RAB9B: variants seen among roughly 807,000 people sequenced by gnomAD.
The protein encoded by RAB9B is ras-related protein Rab-9B.
In RAB9B, 1 loss-of-function variant was observed where a neutral mutation model predicts 8.9. The observed-to-expected ratio is 0.11, with a 90% CI of 0.04 to 0.53. The LOEUF (loss-of-function observed/expected upper bound fraction) is 0.53. RAB9B is among the 20% of genes least tolerant of loss of function. The probability of loss-of-function intolerance (pLI) is 0.93; values close to 1 mark genes in which losing one functional copy is unlikely to be tolerated. For synonymous variants in RAB9B, 63 were observed against 57.0 expected, an observed-to-expected ratio of 1.10 and a Z score of -0.47; for missense variants, 82 against 152.9, an observed-to-expected ratio of 0.54 and a Z score of 2.45.
chrX:103,800,810 G>A, the RAB9B span, among the ~76,000 whole-genome samples: 126 of 111,661 alleles, frequency 1.1e-3, no homozygotes, highest in Admixed American at 3.0e-3. Flanking sequence ...TTTTGATATC[G>A]TTCACTATCT....
At chrX:103,791,687 A>C in the RAB9B span, 1 of 112,658 alleles carries the variant, frequency 8.9e-6, no homozygotes, top group Non-Finnish European at 1.9e-5. Context: ...CAGTTTGTTT[A>C]TTACTTATTT....
chrX:103,803,535 AATT>A, the RAB9B span, among the ~76,000 whole-genome samples: 1 of 112,340 alleles, frequency 8.9e-6, no homozygotes, highest in South Asian at 3.7e-4. Flanking sequence ...CCAATTTTAA[AATT>A]ATTTGTCTAT....
At chrX:103,797,240 C>T in the RAB9B span, among the ~76,000 whole-genome samples, 1 of 105,169 alleles carries the variant, frequency 9.5e-6, no homozygotes, top group Non-Finnish European at 2.0e-5. Context: ...GGCGACTGCA[C>T]CATGCTCAGT....
chrX:103,825,692 T>A lies in RAB9B; in HGVS notation c.93A>T (p.Lys31Asn), dbSNP rs1423771837. Residue 31 changes from lysine to asparagine, a missense_variant, in exon 3 of 3, where the codon AAA (lysine) becomes AAT (asparagine). Lys to Asn is a moderately conservative substitution (Grantham distance 94, BLOSUM62 0). Coordinates refer to ENST00000243298, the MANE Select transcript of RAB9B (RefSeq NM_016370.4). ...SSLMNRYVTN[K>N]FDSQAFHTIG... ...TGGTGTGAAAAGCCTGGGAGTCAAATTTGTTGGTTACGTAACGGTTCATAA... is the reference window on the plus strand; with the variant it reads ...TGGTGTGAAAAGCCTGGGAGTCAAAATTGTTGGTTACGTAACGGTTCATAA... 1 of 1,208,191 alleles carries A rather than the reference T, an allele frequency of 8.3e-7. No individual in the cohort carries two copies. Among genetic ancestry groups the A allele is most frequent in the Non-Finnish European group, 1.1e-6 (1 of 893,919 alleles).
At chrX:103,779,953 G>C in the RAB9B span, 4 of 112,768 alleles carry the variant, frequency 3.5e-5, no homozygotes, top group Non-Finnish European at 7.5e-5. Context: ...GACCAAGTGA[G>C]GACAGTGACA....
the RAB9B span, among the ~76,000 whole-genome samples, chrX:103,805,686 C>A: frequency 4.5e-5 from 5 of 110,663 alleles, no homozygotes; most frequent in African/African-American, 1.3e-4. Context: ...CAGTGTGTGC[C>A]TTTCTAGAAA....
At chrX:103,785,210 C>T in the RAB9B span, among the ~76,000 whole-genome samples, 2 of 110,919 alleles carry the variant, frequency 1.8e-5, no homozygotes, top group Non-Finnish European at 3.8e-5. Flanking sequence ...TCCTGAGTAG[C>T]TGGGATTACA....
chrX:103,828,155 T>A (rs1037773437), intron 1 of RAB9B, among the ~76,000 whole-genome samples: 17 of 110,997 alleles, frequency 1.5e-4, no homozygotes, highest in Non-Finnish European at 3.2e-4. Context: ...AACGAAGCTT[T>A]AAAAAAAAAT....
downstream of RAB9B, among the ~76,000 whole-genome samples, chrX:103,820,971 C>CACACACACAT (rs2074657407): frequency 1.7e-5 from 1 of 59,795 alleles, no homozygotes; most frequent in Non-Finnish European, 3.0e-5. Flanking sequence ...CACACACACA[C>CACACACACAT]ACACACACAC....
At chrX:103,786,058 A>G in the RAB9B span, 5 of 1,029,443 alleles carry the variant, frequency 4.9e-6, no homozygotes, top group South Asian at 9.4e-5. Context: ...TGGAGCCTCC[A>G]GCGTAGTAGG....
Position 103,825,839 on chromosome X carries a change from G to T in RAB9B, c.-42-13C>A. 9.2e-7 allele frequency: 1 copy of T among 1,081,569 alleles called. No individual in the cohort carries two copies. The highest frequency in any genetic ancestry group is 2.7e-4 in the Middle Eastern group (1 of 3,705). 89.1% of individuals were successfully genotyped at this position (1,081,569 alleles called of 1,213,427 possible). On this transcript the variant is annotated splice_polypyrimidine_tract_variant and intron_variant, in intron 2 of 2. Coordinates refer to ENST00000243298, the MANE Select transcript of RAB9B (RefSeq NM_016370.4). The stretch of plus-strand genomic sequence containing the variant: ...TAACCAAGAGAACCTGAAAATAAAA[G>T]GAAAAGTAGGAGGGAAAACAGTTAA...
the RAB9B span, among the ~76,000 whole-genome samples, chrX:103,804,299 T>A: frequency 1.4e-4 from 16 of 112,391 alleles, no homozygotes; most frequent in African/African-American, 5.2e-4. Flanking sequence ...TGAAAATAGA[T>A]TCATCATAAA....
At chrX:103,786,781 C>T in the RAB9B span, 15 of 1,160,925 alleles carry the variant, frequency 1.3e-5, no homozygotes, top group Admixed American at 8.8e-5. Flanking sequence ...AAATTGGGCG[C>T]GAGTCTGTGG....
the RAB9B span, among the ~76,000 whole-genome samples, chrX:103,783,162 G>A: frequency 1.9e-4 from 21 of 111,925 alleles, no homozygotes; most frequent in Non-Finnish European, 3.6e-4. Flanking sequence ...AACAACAATC[G>A]ATTTCAGTTG....
the RAB9B span, among the ~76,000 whole-genome samples, chrX:103,808,794 C>T: frequency 2.7e-5 from 3 of 112,788 alleles, no homozygotes; most frequent in Middle Eastern, 4.6e-3. Context: ...CCCTGGGCTT[C>T]GGGGATCCAG....
At position 103,824,268 on chromosome X, in the gene RAB9B, C is replaced by G. The variant is rs894984351; in HGVS notation, c.*911G>C. 9.8e-5 allele frequency: 11 copies of G among 112,159 alleles called. No homozygotes were observed. The highest frequency in any genetic ancestry group is 9.5e-4 in the Admixed American group (10 of 10,555). The allele number at this position is 112,159 out of a possible 1,213,427, so 9.2% of individuals were successfully genotyped here. ...CTTGTGAGAAAAGTTCATTATCCCCCAATCTTTTATGAAGCCTTCTCCATG... is the reference window on the plus strand; with the variant it reads ...CTTGTGAGAAAAGTTCATTATCCCCGAATCTTTTATGAAGCCTTCTCCATG... On this transcript the variant is annotated 3_prime_UTR_variant, in exon 3 of 3. Coordinates refer to ENST00000243298, the MANE Select transcript of RAB9B (RefSeq NM_016370.4).
chrX:103,806,079 T>C, the RAB9B span, among the ~76,000 whole-genome samples: 1 of 110,979 alleles, frequency 9.0e-6, no homozygotes, highest in Non-Finnish European at 1.9e-5. Flanking sequence ...TAGCTGGGAT[T>C]ACAAGTGTGA....
In RAB9B at chrX:103,825,758, C is replaced by T. The variant is rs1207078852; in HGVS notation, c.27G>A (p.Lys9=). The T allele has an allele frequency of 8.4e-7, 1 of 1,189,026 alleles. No individual in the cohort carries two copies. The highest frequency in any genetic ancestry group is 2.3e-5 in the Admixed American group (1 of 43,257). ...CTCCACCATCACCCAAGAGAATGAC[C>T]TTTAAGAGCAGGGATTTCCCACTCA... MSGKSLLL[K]VILLGDGGVG... The change falls in exon 3 of 3, where the codon AAG becomes AAA. Residue 9 remains lysine, a synonymous_variant. Transcript: ENST00000243298.
Position 103,824,036 on chromosome X carries a change from AG to A in RAB9B, c.*1142del, listed in dbSNP as rs988040032. ...ATGGTATTCTAACAGATGGTCATCC[AG>A]TGAATATTTTCAGAGGCAGGGAGCT... On this transcript the variant is annotated 3_prime_UTR_variant, in exon 3 of 3. Coordinates refer to ENST00000243298, the MANE Select transcript of RAB9B (RefSeq NM_016370.4). The A allele has an allele frequency of 5.3e-5, 6 of 112,364 alleles. No individual in the cohort carries two copies. In the Admixed American group the frequency reaches 5.7e-4, roughly 11 times the overall value. 9.3% of individuals were successfully genotyped at this position (112,364 alleles called of 1,213,427 possible).
Sources: allele counts gnomAD v4.1 joint callset (sites outside exome capture counted in the v4.1 genomes callset), GRCh38; gene constraint gnomAD v4.1.1; transcripts MANE v1.5; gene names NCBI Gene and HGNC (gene_info 2026-07-23, HGNC 2026-07-21).